Variants in EIF2B3 observed in about 807,000 individuals in gnomAD.
EIF2B3 encodes translation initiation factor eIF2B subunit gamma.
EIF2B3 carries 20 observed loss-of-function variants against 54.1 expected under a neutral mutation model. That is an observed-to-expected ratio of 0.37 (90% CI 0.26 to 0.54). The LOEUF (loss-of-function observed/expected upper bound fraction) is 0.54, where lower values mean the gene tolerates loss of function less well. Ranked by LOEUF, EIF2B3 falls within the 20% of genes least tolerant of loss-of-function variation. EIF2B3 has a pLI of 0.86. For synonymous variants in EIF2B3, 153 were observed against 188.1 expected, an observed-to-expected ratio of 0.81 and a Z score of 1.52; for missense variants, 448 against 547.8, an observed-to-expected ratio of 0.82 and a Z score of 1.82.
intron 4 of EIF2B3, chr1:44,937,128 T>C (rs2148938562): frequency 6.6e-6 from 1 of 152,366 alleles, no homozygotes; most frequent in South Asian, 2.1e-4. Flanking sequence ...ATCAGTCTGC[T>C]AGATCCATAT....
chr1:44,965,918 G>A (rs547696106), intron 3 of EIF2B3, among the ~76,000 whole-genome samples: 2 of 152,086 alleles, frequency 1.3e-5, no homozygotes, highest in African/African-American at 4.8e-5. Flanking sequence ...GGGATTACAG[G>A]TGTGAGCCAC....
At chr1:44,868,397 C>CAAGAAA (rs1654852964) in intron 10 of EIF2B3, among the ~76,000 whole-genome samples, 1 of 65,436 alleles carries the variant, frequency 1.5e-5, no homozygotes, top group Admixed American at 1.9e-4. Flanking sequence ...GACTCCGTCT[C>CAAGAAA]AAAAAAAAAA....
chr1:44,910,726 C>T (rs1357423158), intron 5 of EIF2B3, among the ~76,000 whole-genome samples: 2 of 149,066 alleles, frequency 1.3e-5, no homozygotes, highest in Non-Finnish European at 3.0e-5. Context: ...AGCAATCCTT[C>T]CACCTCAGCC....
chr1:44,972,211 G>C (rs1291004234), intron 3 of EIF2B3, among the ~76,000 whole-genome samples: 1 of 148,762 alleles, frequency 6.7e-6, no homozygotes, highest in Non-Finnish European at 1.5e-5. Context: ...AACATAGTGA[G>C]ACTCTGTCTC....
chr1:44,895,497 T>A (rs996443145), intron 6 of EIF2B3, among the ~76,000 whole-genome samples: 1 of 151,826 alleles, frequency 6.6e-6, no homozygotes, highest in Non-Finnish European at 1.5e-5. Context: ...ATTAAGGTAT[T>A]TATTTAAAAA....
At chr1:44,894,599 T>A (rs534122206) in intron 6 of EIF2B3, among the ~76,000 whole-genome samples, 1 of 152,278 alleles carries the variant, frequency 6.6e-6, no homozygotes, top group East Asian at 1.9e-4. Context: ...GAAAACATGA[T>A]GCTTTTCTAC....
intron 5 of EIF2B3, among the ~76,000 whole-genome samples, chr1:44,898,596 T>TA (rs372079958): frequency 6.0e-4 from 87 of 146,086 alleles, no homozygotes; most frequent in African/African-American, 1.4e-3. Context: ...GGAGTATGGT[T>TA]AAAAAAAAAA....
chr1:44,976,362 C>T (rs149313442), intron 3 of EIF2B3, among the ~76,000 whole-genome samples: 122 of 152,248 alleles, frequency 8.0e-4, no homozygotes, highest in Admixed American at 1.3e-3. Flanking sequence ...AGCATCATTA[C>T]CATCAGGGAA....
At chr1:44,860,641 A>G (rs1335079276) in intron 10 of EIF2B3, among the ~76,000 whole-genome samples, 1 of 152,238 alleles carries the variant, frequency 6.6e-6, no homozygotes, top group Non-Finnish European at 1.5e-5. Flanking sequence ...ATCATAATGC[A>G]ATACAAAGAA....
chr1:44,850,978 C>T lies in EIF2B3; in HGVS notation c.1332G>A (p.Val444=). The T allele has an allele frequency of 6.2e-7, 1 of 1,614,140 alleles. No homozygotes were observed. Among genetic ancestry groups the T allele is most frequent in the South Asian group, 1.1e-5 (1 of 91,082 alleles). ...AGATCTCCATGAGCTGGTCATTCCC[C>T]ACGATCACCTCATTCACTCGTTTAG... ...AKAKRVNEVI[V]GNDQLMEI Residue 444 remains valine (V), a synonymous_variant, in exon 12 of 12, where the codon GTG becomes GTA. Transcript: ENST00000360403.
At chr1:44,976,779 C>A (rs1369640792) in intron 3 of EIF2B3, among the ~76,000 whole-genome samples, 6 of 151,986 alleles carry the variant, frequency 3.9e-5, no homozygotes, top group Non-Finnish European at 1.5e-5. Flanking sequence ...ATATGTTGAA[C>A]AAAAGAAGCC....
intron 5 of EIF2B3, among the ~76,000 whole-genome samples, chr1:44,919,064 C>G (rs1211167579): frequency 6.6e-6 from 1 of 152,080 alleles, no homozygotes; most frequent in African/African-American, 2.4e-5. Flanking sequence ...ATATTAGTTA[C>G]AGGCCGGGCT....
intron 8 of EIF2B3, among the ~76,000 whole-genome samples, chr1:44,877,204 A>AAAAAAAC (rs1655202718): frequency 6.8e-6 from 1 of 147,238 alleles, no homozygotes; most frequent in East Asian, 2.0e-4. Flanking sequence ...AAAAAAAAAA[A>AAAAAAAC]AAAAAAAAAA....
At chr1:44,936,685 G>T (rs556950500) in intron 4 of EIF2B3, among the ~76,000 whole-genome samples, 1 of 152,142 alleles carries the variant, frequency 6.6e-6, no homozygotes, top group South Asian at 2.1e-4. Context: ...TGGTAAAAAT[G>T]CAAACAAAAA....
chr1:44,941,557 C>A lies in EIF2B3; in HGVS notation c.403G>T (p.Gly135Cys), dbSNP rs775430377. The A allele has an allele frequency of 3.1e-6, 5 of 1,613,688 alleles. No homozygotes were observed. The Admixed American group carries it at 8.3e-5, about 27-fold the overall frequency. The change falls in exon 4 of 12, where the codon GGC becomes TGC. Residue 135 changes from glycine to cysteine, a missense_variant. Physicochemically the swap from Gly to Cys is radical, Grantham distance 159. Around this residue, in one of 3 missense-constraint regions of EIF2B3, gnomAD observed 350 missense variants for 414.2 expected, o/e 0.85. Transcript: ENST00000360403. ...DASLAMLMRK[G>C]QDSIEPVPGQ... ...GGAACAGGTTCTATGCTATCTTGGC[C>A]TTTTCTCATCAACATAGCAAGTGAT...
intron 1 of EIF2B3, among the ~76,000 whole-genome samples, chr1:44,985,763 G>T (rs1644567547): frequency 6.6e-6 from 1 of 152,178 alleles, no homozygotes; most frequent in Admixed American, 6.6e-5. Flanking sequence ...TCACTGCCAC[G>T]ACTATGGCTG....
At chr1:44,960,315 A>C (rs921773783) in intron 3 of EIF2B3, among the ~76,000 whole-genome samples, 2 of 152,182 alleles carry the variant, frequency 1.3e-5, no homozygotes, top group African/African-American at 4.8e-5. Flanking sequence ...ATAACAATAA[A>C]AAATACAAAC....
chr1:44,904,227 C>A (rs937182954), intron 5 of EIF2B3, among the ~76,000 whole-genome samples: 11 of 152,064 alleles, frequency 7.2e-5, no homozygotes, highest in African/African-American at 2.7e-4. Context: ...ATGAAGAAAA[C>A]CCAGTTGCAC....
At chr1:44,917,412 G>C (rs1033336576) in intron 5 of EIF2B3, among the ~76,000 whole-genome samples, 2 of 150,088 alleles carry the variant, frequency 1.3e-5, no homozygotes, top group African/African-American at 2.5e-5. Flanking sequence ...AGAATATCTT[G>C]AACCCGGGAG....
Sources: gnomAD v4.1 joint callset for allele counts (sites outside exome capture counted in the v4.1 genomes callset) on GRCh38, gnomAD v4.1.1 for gene constraint, gnomAD v4.1.1 regional missense constraint, MANE v1.5 for transcripts, NCBI Gene and HGNC (gene_info 2026-07-23, HGNC 2026-07-21) for gene names.